TENM3: variants seen among roughly 807,000 people sequenced by gnomAD.
The protein encoded by TENM3 is teneurin transmembrane protein 3.
A neutral mutation model predicts 255.1 loss-of-function variants in TENM3; 63 were observed. The ratio of observed to expected loss-of-function variants is 0.25; its 90% confidence interval spans 0.20 to 0.30. TENM3 has a LOEUF of 0.30. TENM3 is among the 10% of genes least tolerant of loss of function. The pLI is 1.00. For synonymous variants in TENM3, 1,306 were observed against 1,322.3 expected (o/e 0.99, Z 0.27); for missense variants, 2,929 against 3,461.1 (o/e 0.85, Z 3.86).
chr4:182,527,717 G>T (rs773544830), intron 3 of TENM3, among the ~76,000 whole-genome samples: 10 of 145,558 alleles, frequency 6.9e-5, no homozygotes, highest in Non-Finnish European at 1.2e-4. Flanking sequence ...GTTTTTTTTG[G>T]TTGTTGTTGT....
At chr4:181,472,502 C>T in the TENM3 span, among the ~76,000 whole-genome samples, 1 of 152,094 alleles carries the variant, frequency 6.6e-6, no homozygotes, top group African/African-American at 2.4e-5. Context: ...AGCCAGGCTC[C>T]TCTTTGGACA....
chr4:182,698,701 C>G (rs1757618549), intron 12 of TENM3, among the ~76,000 whole-genome samples: 1 of 152,154 alleles, frequency 6.6e-6, no homozygotes, highest in Non-Finnish European at 1.5e-5. Flanking sequence ...GCCTTGAGTT[C>G]CCTCTTTCTC....
At chr4:182,251,423 A>G (rs938487413) in intron 1 of TENM3, among the ~76,000 whole-genome samples, 1 of 152,166 alleles carries the variant, frequency 6.6e-6, no homozygotes, top group African/African-American at 2.4e-5. Flanking sequence ...AGCCATGATC[A>G]CACCACTGAA....
chr4:182,030,047 G>A, the TENM3 span, among the ~76,000 whole-genome samples: 1 of 32,976 alleles, frequency 3.0e-5, no homozygotes, highest in Admixed American at 4.3e-4. Flanking sequence ...TTCAATCAAT[G>A]CATCTTTGTT....
chr4:182,458,787 G>T (rs1774071052), intron 3 of TENM3, among the ~76,000 whole-genome samples: 1 of 152,090 alleles, frequency 6.6e-6, no homozygotes, highest in African/African-American at 2.4e-5. Flanking sequence ...CTTGCCTAAG[G>T]AATAAGAAGT....
the TENM3 span, among the ~76,000 whole-genome samples, chr4:181,498,686 G>T: frequency 6.6e-6 from 1 of 152,128 alleles, no homozygotes; most frequent in Non-Finnish European, 1.5e-5. Context: ...ATGGCTCACT[G>T]TAAGGACCAG....
At chr4:181,538,302 C>G in the TENM3 span, among the ~76,000 whole-genome samples, 15 of 152,258 alleles carry the variant, frequency 9.9e-5, no homozygotes, top group South Asian at 2.1e-4. Flanking sequence ...TGAAATCCTT[C>G]ATTCTTTTAC....
intron 3 of TENM3, among the ~76,000 whole-genome samples, chr4:182,533,890 C>T (rs1452824022): frequency 6.6e-6 from 1 of 151,472 alleles, no homozygotes; most frequent in African/African-American, 2.4e-5. Flanking sequence ...GCCTGGGCGA[C>T]AGAGCAAGAC....
the TENM3 span, among the ~76,000 whole-genome samples, chr4:181,491,581 C>T: frequency 6.6e-6 from 1 of 151,824 alleles, no homozygotes; most frequent in Non-Finnish European, 1.5e-5. Context: ...GGTAGTATTT[C>T]CCATATGTGA....
At chr4:182,157,272 CG>C (rs1750780268) in intron 1 of TENM3, among the ~76,000 whole-genome samples, 1 of 152,140 alleles carries the variant, frequency 6.6e-6, no homozygotes, top group Non-Finnish European at 1.5e-5. Context: ...CAGTCGAGGC[CG>C]GAGATACCCA....
intron 1 of TENM3, among the ~76,000 whole-genome samples, chr4:182,217,032 TTTTTTTTTG>T: frequency 7.8e-6 from 1 of 128,376 alleles, no homozygotes; most frequent in Non-Finnish European, 1.6e-5. Flanking sequence ...TTTTTTTTTT[TTTTTTTTTG>T]AGACAGAGTC....
intron 3 of TENM3, among the ~76,000 whole-genome samples, chr4:182,578,360 A>G (rs1745146756): frequency 6.6e-6 from 1 of 152,040 alleles, no homozygotes; most frequent in Admixed American, 6.5e-5. Flanking sequence ...CCTTTCATTT[A>G]CTAATTTATT....
chr4:181,543,472 A>G, the TENM3 span, among the ~76,000 whole-genome samples: 4 of 152,180 alleles, frequency 2.6e-5, no homozygotes, highest in Non-Finnish European at 5.9e-5. Context: ...AAAGGCATTG[A>G]TTTCTCAGTC....
chr4:181,930,722 AC>A, the TENM3 span, among the ~76,000 whole-genome samples: 1 of 152,120 alleles, frequency 6.6e-6, no homozygotes, highest in Non-Finnish European at 1.5e-5. Flanking sequence ...AAAAAAGAAA[AC>A]TTCAGGCCAA....
intron 3 of TENM3, among the ~76,000 whole-genome samples, chr4:182,492,203 G>T (rs113019009): frequency 2.6e-5 from 4 of 152,092 alleles, no homozygotes; most frequent in African/African-American, 9.7e-5. Context: ...TTGAAGCCAC[G>T]TTAGAATTAT....
chr4:182,257,446 A>G (rs938674752), intron 1 of TENM3, among the ~76,000 whole-genome samples: 5 of 152,224 alleles, frequency 3.3e-5, no homozygotes, highest in Admixed American at 1.3e-4. Context: ...GGAATGGGTC[A>G]TGGCGTTACT....
chr4:181,795,859 G>T, the TENM3 span, among the ~76,000 whole-genome samples: 1 of 152,100 alleles, frequency 6.6e-6, no homozygotes, highest in African/African-American at 2.4e-5. Context: ...GATATGACCT[G>T]GGTTAGATTT....
chr4:182,240,365 T>C (rs1489460811), upstream of TENM3, among the ~76,000 whole-genome samples: 2 of 152,118 alleles, frequency 1.3e-5, no homozygotes, highest in African/African-American at 2.4e-5. Context: ...AGAAGAGCGC[T>C]CCCCACATTC....
chr4:182,632,041 G>A (rs1751419070), intron 5 of TENM3, among the ~76,000 whole-genome samples: 1 of 152,114 alleles, frequency 6.6e-6, no homozygotes, highest in Admixed American at 6.5e-5. Context: ...AAAATTAATT[G>A]TAATCCCACA....
Sources: allele counts gnomAD v4.1 joint callset (sites outside exome capture counted in the v4.1 genomes callset), GRCh38; gene constraint gnomAD v4.1.1; transcripts MANE v1.5; gene names NCBI Gene and HGNC (gene_info 2026-07-23, HGNC 2026-07-21).